The following DKC1 variants were observed in gnomAD, a reference collection of about 807,000 sequenced individuals.
The protein encoded by DKC1 is dyskerin pseudouridine synthase 1, also known as H/ACA ribonucleoprotein complex subunit DKC1.
In DKC1, 4 loss-of-function variants were observed where a neutral mutation model predicts 46.7. The observed-to-expected ratio is 0.09, with a 90% CI of 0.04 to 0.20. The LOEUF (loss-of-function observed/expected upper bound fraction) is 0.20, where lower values mean the gene tolerates loss of function less well. Among genes scored for constraint, DKC1 ranks in the 10% least tolerant of loss-of-function variants. The pLI is 1.00. For synonymous variants in DKC1, 141 were observed against 142.4 expected (o/e 0.99, Z 0.07); for missense variants, 171 against 404.2 (o/e 0.42, Z 4.95).
chrX:154,772,986 C>T, intron 10 of DKC1, 145 bp from the exon 11 acceptor site: 1 of 460,594 alleles, frequency 2.2e-6, no homozygotes, highest in Non-Finnish European at 3.9e-6. Context: ...TCCATATGCA[C>T]ATCCTGAGCA....
chrX:154,766,075 G>A, intron 4 of DKC1, 77 bp downstream of exon 4: 4 of 998,201 alleles, frequency 4.0e-6, no homozygotes, highest in Non-Finnish European at 4.3e-6. Context: ...CAGGAAGGCA[G>A]TGGCATGCCA....
intron 7 of DKC1, 132 bp from the exon 8 acceptor site, chrX:154,768,170 C>A: frequency 1.1e-6 from 1 of 879,974 alleles, no homozygotes; most frequent in Non-Finnish European, 1.7e-6. Flanking sequence ...ATCTTTACAG[C>A]AAATGCTTAT....
chrX:154,767,112 G>A, intron 6 of DKC1, 51 bp downstream of exon 6: 2 of 1,184,593 alleles, frequency 1.7e-6, no homozygotes. Context: ...GGATCTCTGA[G>A]CCCCTAAACA....
In DKC1 at chrX:154,762,868, G is replaced by A. The variant is rs1472838329; in HGVS notation, c.-98G>A. 5 of 1,052,960 alleles carry A rather than the reference G, an allele frequency of 4.7e-6. No individual in the cohort carries two copies. Among genetic ancestry groups the A allele is most frequent in the Non-Finnish European group, 6.5e-6 (5 of 769,085 alleles). 86.8% of individuals were successfully genotyped at this position (1,052,960 alleles called of 1,213,427 possible). A position where few individuals can be genotyped will look rare whatever the true frequency, so the allele number is the denominator to read the frequency against. On this transcript the variant is annotated 5_prime_UTR_variant, in exon 1 of 15. Coordinates refer to ENST00000369550, the MANE Select transcript of DKC1 (RefSeq NM_001363.5). ...CGCACAGGGCAGTGCGCGGGTGGGT[G>A]GGTCCTAGCAGCGCGGCCTGACGGG...
chrX:154,770,912 ATGTT>A (rs1258437823), intron 10 of DKC1, 33 bp downstream of exon 10: 3 of 1,198,719 alleles, frequency 2.5e-6, no homozygotes, highest in South Asian at 1.8e-5. Context: ...TAAATTCTAA[ATGTT>A]TGTGGTTACA....
intron 10 of DKC1, among the ~76,000 whole-genome samples, chrX:154,771,300 C>G: frequency 9.6e-6 from 1 of 104,590 alleles, no homozygotes. Flanking sequence ...AAGCGATTCT[C>G]GTGCCTCAGC....
At position 154,774,745 on chromosome X, in the gene DKC1, G is replaced by A. The variant is rs192982163; in HGVS notation, c.1259+40G>A. The A allele has an allele frequency of 1.3e-4, 139 of 1,084,560 alleles. 1 individual carries two copies. Among genetic ancestry groups the A allele is most frequent in the Admixed American group, 1.3e-4 (6 of 44,660 alleles). 89.4% of individuals were successfully genotyped at this position (1,084,560 alleles called of 1,213,427 possible). On this transcript the variant is annotated intron_variant, in intron 12 of 14. Coordinates refer to ENST00000369550, the MANE Select transcript of DKC1 (RefSeq NM_001363.5). ...TTTCAGAGCCGGGGTGGGTAGAGAC[G>A]GCACACTTGCTGCCTTGATGCAGGA...
intron 1 of DKC1, among the ~76,000 whole-genome samples, chrX:154,764,483 C>T (rs1445027687): frequency 9.0e-6 from 1 of 111,419 alleles, no homozygotes; most frequent in South Asian, 3.7e-4. Context: ...CTTTTTACTT[C>T]GACTGTTGTA....
rs2071758280 is a variant in DKC1 at position 154,767,301 on chromosome X, A to C, written c.559A>C (p.Ile187Leu). 8.3e-6 allele frequency: 10 copies of C among 1,211,346 alleles called. No homozygotes were observed. Among genetic ancestry groups the C allele is most frequent in the Non-Finnish European group, 1.0e-5 (9 of 895,113 alleles). The change falls in exon 7 of 15, where the codon ATT (isoleucine) becomes CTT (leucine). Residue 187 changes from isoleucine to leucine, a missense_variant. Transcript: ENST00000369550. ...TGCCTTATTCCAGCGACCCCCACTT[A>C]TTGCTGCAGTAAAGAGGCAGCTCCG... ...TGALFQRPPL[I>L]AAVKRQLRVR...
chrX:154,763,212 C>G (rs921788671), intron 1 of DKC1, among the ~76,000 whole-genome samples: 1 of 112,182 alleles, frequency 8.9e-6, no homozygotes, highest in Non-Finnish European at 1.9e-5. Flanking sequence ...GCCCTCTCAC[C>G]TCCCTGGGGT....
chrX:154,765,380 C>A, intron 2 of DKC1, 64 bp from the exon 3 acceptor site: 1 of 897,400 alleles, frequency 1.1e-6, no homozygotes, highest in Non-Finnish European at 1.6e-6. Context: ...ATTTCCATGG[C>A]AGTAATGGAA....
intron 10 of DKC1, among the ~76,000 whole-genome samples, chrX:154,771,293 C>T (rs1402837947): frequency 1.9e-5 from 2 of 103,931 alleles, no homozygotes; most frequent in Non-Finnish European, 3.9e-5. Flanking sequence ...CAGGTTCAAG[C>T]GATTCTCGTG....
At chrX:154,770,984 A>G (rs782696263) in intron 10 of DKC1, 105 bp downstream of exon 10, 17 of 809,423 alleles carry the variant, frequency 2.1e-5, no homozygotes, top group Non-Finnish European at 3.1e-5. Flanking sequence ...CATGCAATAC[A>G]TAATAATCAC....
chrX:154,770,715 G>A, intron 9 of DKC1, 44 bp from the exon 10 acceptor site: 1 of 1,208,780 alleles, frequency 8.3e-7, no homozygotes, highest in Non-Finnish European at 1.1e-6. Flanking sequence ...GAGTGGGGTG[G>A]AGGGCAGCAG....
chrX:154,766,653 G>A (rs2071748854), intron 5 of DKC1: 1 of 438,110 alleles, frequency 2.3e-6, no homozygotes, highest in Non-Finnish European at 4.0e-6. Flanking sequence ...CTCTCAGCTT[G>A]TCACTCCAGG....
intron 5 of DKC1, 94 bp from the exon 6 acceptor site, chrX:154,766,903 C>G (rs2148510390): frequency 1.2e-6 from 1 of 834,177 alleles, no homozygotes; most frequent in Admixed American, 2.2e-5. Flanking sequence ...GCCGCTTTTC[C>G]TGCTGTGCAA....
chrX:154,766,933 A>G lies in DKC1; in HGVS notation c.449-64A>G, dbSNP rs374548935. ...GTGCAAAATGGGAGTGACTGAGCAT[A>G]TAAGAAATATGGAAAACAGAAAACT... On this transcript the variant is annotated intron_variant, in intron 5 of 14. Coordinates refer to ENST00000369550, the MANE Select transcript of DKC1 (RefSeq NM_001363.5). 1,115 of 1,052,277 alleles carry G rather than the reference A, an allele frequency of 1.1e-3. 3 individuals carry two copies. Among genetic ancestry groups the G allele is most frequent in the Non-Finnish European group, 1.3e-3 (987 of 751,121 alleles). 86.7% of individuals were successfully genotyped at this position (1,052,277 alleles called of 1,213,427 possible). A position where few individuals can be genotyped will look rare whatever the true frequency, so the allele number is the denominator to read the frequency against.
intron 2 of DKC1, 99 bp downstream of exon 2, chrX:154,765,065 G>A (rs1444331716): frequency 2.8e-6 from 2 of 725,647 alleles, no homozygotes; most frequent in East Asian, 6.4e-5. Context: ...TCCAAGGAAT[G>A]GGCCAGCATT....
Position 154,767,081 on chromosome X carries a change from G to A in DKC1, c.513+20G>A. The A allele has an allele frequency of 8.3e-7, 1 of 1,202,196 alleles. No individual in the cohort carries two copies. The highest frequency in any genetic ancestry group is 1.1e-6 in the Non-Finnish European group (1 of 886,708). On this transcript the variant is annotated intron_variant, in intron 6 of 14. Coordinates refer to ENST00000369550, the MANE Select transcript of DKC1 (RefSeq NM_001363.5). ...TCTAGGGTAAGTCTGCAATTGTAGGGAGGACACCCTTTGTTGACTTGGATC... is the reference window on the plus strand; with the variant it reads ...TCTAGGGTAAGTCTGCAATTGTAGGAAGGACACCCTTTGTTGACTTGGATC...
Sources: allele counts gnomAD v4.1 joint callset (sites outside exome capture counted in the v4.1 genomes callset), GRCh38; gene constraint gnomAD v4.1.1; transcripts MANE v1.5; gene names NCBI Gene and HGNC (gene_info 2026-07-23, HGNC 2026-07-21).